The following NCKAP5 variants were observed in gnomAD, a reference collection of about 807,000 sequenced individuals.
NCKAP5 encodes nck-associated protein 5.
A neutral mutation model predicts 167.0 loss-of-function variants in NCKAP5; 92 were observed. The observed-to-expected ratio is 0.55, with a 90% confidence interval of 0.47 to 0.66. The LOEUF (loss-of-function observed/expected upper bound fraction) is 0.66, where lower values mean the gene tolerates loss of function less well. Among genes scored for constraint, NCKAP5 ranks in the 30% least tolerant of loss-of-function variants. NCKAP5 has a pLI of 0.00. For synonymous variants in NCKAP5, 891 were observed against 877.4 expected, an observed-to-expected ratio of 1.02 and a Z score of -0.27; for missense variants, 2,378 against 2,315.0, an observed-to-expected ratio of 1.03 and a Z score of -0.56.
At chr2:133,671,214 CAAAAAAAAAAAAAA>C in the NCKAP5 span, among the ~76,000 whole-genome samples, 2 of 53,990 alleles carry the variant, frequency 3.7e-5, no homozygotes, top group East Asian at 4.8e-4. Context: ...GACTCCGTCT[CAAAAAAAAAAAAAA>C]AAAAAAAAAA....
intron 3 of NCKAP5, among the ~76,000 whole-genome samples, chr2:133,481,874 T>A (rs768401169): frequency 3.9e-5 from 6 of 152,174 alleles, no homozygotes; most frequent in Non-Finnish European, 8.8e-5. Flanking sequence ...TTGCTTATAA[T>A]ACATATTTTA....
chr2:133,131,001 G>A (rs1487090016), intron 5 of NCKAP5, among the ~76,000 whole-genome samples: 3 of 152,134 alleles, frequency 2.0e-5, no homozygotes, highest in African/African-American at 4.8e-5. Flanking sequence ...ATACTTAAAA[G>A]GAAAGAAGGC....
intron 11 of NCKAP5, among the ~76,000 whole-genome samples, chr2:132,845,956 T>C (rs1199396100): frequency 6.6e-6 from 1 of 152,176 alleles, no homozygotes; most frequent in Non-Finnish European, 1.5e-5. Flanking sequence ...TTTCTTATTA[T>C]GTTTTCCTGT....
the NCKAP5 span, among the ~76,000 whole-genome samples, chr2:133,647,755 A>AGG: frequency 9.0e-4 from 129 of 143,724 alleles, no homozygotes; most frequent in East Asian, 7.3e-3. Flanking sequence ...GAAGGAAAGA[A>AGG]AAGAAAAGAA....
chr2:132,801,336 T>C (rs12613421), intron 11 of NCKAP5, among the ~76,000 whole-genome samples: 26,840 of 152,208 alleles, frequency 0.18, 2,786 homozygotes, highest in East Asian at 0.3. Context: ...TTGCTGACAT[T>C]GACCTGGCTG....
chr2:132,877,355 A>G (rs1290551063), intron 9 of NCKAP5, among the ~76,000 whole-genome samples: 2 of 152,230 alleles, frequency 1.3e-5, no homozygotes, highest in African/African-American at 2.4e-5. Flanking sequence ...AATATTAAAC[A>G]AATAATTTTC....
chr2:133,110,642 A>G (rs968882742), intron 6 of NCKAP5, among the ~76,000 whole-genome samples: 7 of 152,194 alleles, frequency 4.6e-5, no homozygotes, highest in African/African-American at 1.7e-4. Flanking sequence ...AAGAAAGTAG[A>G]TGAAGTAACA....
intron 3 of NCKAP5, among the ~76,000 whole-genome samples, chr2:133,364,813 A>C (rs1685350182): frequency 2.7e-5 from 4 of 150,756 alleles, no homozygotes; most frequent in Admixed American, 6.6e-5. Flanking sequence ...GGAGTGCTGT[A>C]GCGCCATCTT....
At chr2:133,641,397 G>T in the NCKAP5 span, among the ~76,000 whole-genome samples, 5 of 152,202 alleles carry the variant, frequency 3.3e-5, no homozygotes, top group South Asian at 2.1e-4. Flanking sequence ...TGCAGCATCT[G>T]GTTCTGTATA....
intron 16 of NCKAP5, among the ~76,000 whole-genome samples, chr2:132,759,295 A>T (rs1190811762): frequency 6.6e-6 from 1 of 152,164 alleles, no homozygotes; most frequent in Admixed American, 6.5e-5. Context: ...TATGATGACA[A>T]TGTTACCACA....
At chr2:133,538,857 C>G (rs1260988141) in intron 2 of NCKAP5, among the ~76,000 whole-genome samples, 1 of 149,654 alleles carries the variant, frequency 6.7e-6, no homozygotes, top group Non-Finnish European at 1.5e-5. Context: ...GGTCTTGAAC[C>G]AAGTCACTTG....
chr2:133,525,398 T>C (rs1684786553), intron 2 of NCKAP5, among the ~76,000 whole-genome samples: 1 of 152,198 alleles, frequency 6.6e-6, no homozygotes, highest in East Asian at 1.9e-4. Context: ...CACTTTCCCA[T>C]GGGCCCCTCC....
chr2:132,808,623 T>C (rs1685623823), intron 11 of NCKAP5, among the ~76,000 whole-genome samples: 1 of 152,202 alleles, frequency 6.6e-6, no homozygotes, highest in Non-Finnish European at 1.5e-5. Context: ...GTTTCGTTTC[T>C]TAGTGAGGTT....
At chr2:132,962,648 T>G (rs929078853) in intron 8 of NCKAP5, among the ~76,000 whole-genome samples, 2 of 152,150 alleles carry the variant, frequency 1.3e-5, no homozygotes, top group Admixed American at 1.3e-4. Context: ...TGGAGTGCAG[T>G]GGCGCAATCT....
intron 3 of NCKAP5, among the ~76,000 whole-genome samples, chr2:133,307,301 A>C (rs1378689548): frequency 6.6e-6 from 1 of 152,246 alleles, no homozygotes; most frequent in Non-Finnish European, 1.5e-5. Flanking sequence ...AAAGGCCAGA[A>C]AATATCAGTT....
chr2:132,933,138 G>T (rs943506627), intron 8 of NCKAP5, among the ~76,000 whole-genome samples: 4 of 151,974 alleles, frequency 2.6e-5, no homozygotes, highest in African/African-American at 9.7e-5. Flanking sequence ...TGTTAGCCAG[G>T]ATGGTCTCGA....
Position 133,320,007 on chromosome 2 carries a change from C to T in NCKAP5, c.70-16897G>A, listed in dbSNP as rs572218511. ...AATTCCAGCCTTTAGGATTATTATT[C>T]ATTCCGGTCAAACGAAACCAACTGC... On this transcript the variant is annotated intron_variant, in intron 3 of 19. Coordinates refer to ENST00000409261, the MANE Select transcript of NCKAP5 (RefSeq NM_207363.3). 2.6e-5 allele frequency among the ~76,000 whole-genome samples: 4 copies of T among 152,200 alleles called. No homozygotes were observed. The East Asian group carries it at 7.7e-4, about 29-fold the overall frequency.
intron 6 of NCKAP5, among the ~76,000 whole-genome samples, chr2:133,126,262 T>C (rs539638496): frequency 6.6e-6 from 1 of 152,318 alleles, no homozygotes; most frequent in East Asian, 1.9e-4. Context: ...AACTACTGTT[T>C]AGAGACTCCC....
intron 3 of NCKAP5, among the ~76,000 whole-genome samples, chr2:133,375,802 C>T (rs1339564909): frequency 1.3e-5 from 2 of 152,160 alleles, no homozygotes; most frequent in East Asian, 3.8e-4. Context: ...GCATAGTATT[C>T]CACGGTATAT....
Sources: allele counts gnomAD v4.1 joint callset (sites outside exome capture counted in the v4.1 genomes callset), GRCh38; gene constraint gnomAD v4.1.1; transcripts MANE v1.5; gene names NCBI Gene and HGNC (gene_info 2026-07-23, HGNC 2026-07-21).